LRRC7: variants seen among roughly 807,000 people sequenced by gnomAD.
The protein encoded by LRRC7 is leucine rich repeat containing 7, also known as leucine-rich repeat-containing protein 7.
A neutral mutation model predicts 175.7 loss-of-function variants in LRRC7; 23 were observed. The ratio of observed to expected loss-of-function variants is 0.13; its 90% CI spans 0.09 to 0.19. The LOEUF is 0.19. Among genes scored for constraint, LRRC7 ranks in the 10% least tolerant of loss-of-function variants. The pLI is 1.00. For synonymous variants in LRRC7, 685 were observed against 680.9 expected, an observed-to-expected ratio of 1.01 and a Z score of -0.09; for missense variants, 1,354 against 1,904.7, an observed-to-expected ratio of 0.71 and a Z score of 5.38.
intron 7 of LRRC7, among the ~76,000 whole-genome samples, chr1:69,882,183 G>A (rs1686686696): frequency 6.6e-6 from 1 of 152,078 alleles, no homozygotes; most frequent in Non-Finnish European, 1.5e-5. Flanking sequence ...AGTTATCACA[G>A]TATACCAGTT....
At chr1:69,894,138 T>C (rs1391067019) in intron 7 of LRRC7, among the ~76,000 whole-genome samples, 4 of 152,260 alleles carry the variant, frequency 2.6e-5, no homozygotes, top group African/African-American at 4.8e-5. Context: ...CAGAATCTAA[T>C]AGGTAATATA....
chr1:69,688,954 T>C (rs1661518703), intron 2 of LRRC7, among the ~76,000 whole-genome samples: 1 of 152,136 alleles, frequency 6.6e-6, no homozygotes, highest in South Asian at 2.1e-4. Context: ...TCCCAAAATA[T>C]TTTATGGTTG....
intron 1 of LRRC7, among the ~76,000 whole-genome samples, chr1:69,584,611 C>G (rs1440216355): frequency 2.0e-5 from 3 of 152,110 alleles, no homozygotes; most frequent in African/African-American, 7.2e-5. Flanking sequence ...AGCAATCTAA[C>G]ACACTATTAC....
chr1:69,583,255 AT>A lies in LRRC7; in HGVS notation c.2+14616del, dbSNP rs1646270902. ...AGATCTACTGTATCTAAAACTTTGG[AT>A]TATAACTATTATTTATTAAATTAAC... On this transcript the variant is annotated intron_variant, in intron 1 of 26. Transcript: ENST00000651989. 5.3e-5 allele frequency among the ~76,000 whole-genome samples: 8 copies of A among 152,064 alleles called. No individual in the cohort carries two copies. The South Asian group carries it at 1.7e-3, about 32-fold the overall frequency.
In LRRC7 at chr1:69,914,938, G is replaced by C. The variant is rs1646642555; in HGVS notation, c.648-16569G>C. ...CTCCTGGCATAGAATATAGTGAACTGTAGAGCACATATTTTTCATAAAAAC... is the reference window on the plus strand; with the variant it reads ...CTCCTGGCATAGAATATAGTGAACTCTAGAGCACATATTTTTCATAAAAAC... On this transcript the variant is annotated intron_variant, in intron 7 of 26. Transcript: ENST00000651989. Among the ~76,000 whole-genome samples the C allele has an allele frequency of 3.3e-5, 5 of 152,158 alleles. No individual in the cohort carries two copies. In the South Asian group the frequency reaches 1.0e-3, roughly 32 times the overall value.
intron 17 of LRRC7, among the ~76,000 whole-genome samples, chr1:70,025,831 A>G (rs1460441252): frequency 4.0e-5 from 5 of 124,080 alleles, no homozygotes; most frequent in African/African-American, 5.5e-5. Context: ...CCTCAATTTA[A>G]GGGGGGGGGG....
chr1:69,811,868 ATGTAACAAACC>A (rs71583103), intron 4 of LRRC7, among the ~76,000 whole-genome samples: 11,529 of 152,220 alleles, frequency 0.076, 545 homozygotes, highest in Non-Finnish European at 0.12. Context: ...GTGTATACCT[ATGTAACAAACC>A]TGCACATTCT....
At chr1:70,096,971 G>C (rs1664450853) in intron 25 of LRRC7, among the ~76,000 whole-genome samples, 1 of 152,176 alleles carries the variant, frequency 6.6e-6, no homozygotes, top group Non-Finnish European at 1.5e-5. Flanking sequence ...CTTTTACTCT[G>C]TGTGGCATAA....
intron 26 of LRRC7, among the ~76,000 whole-genome samples, chr1:70,113,475 C>G (rs1425891772): frequency 1.3e-5 from 2 of 152,092 alleles, no homozygotes; most frequent in Non-Finnish European, 2.9e-5. Context: ...GCCTTTGGCT[C>G]CAGACTCATT....
intron 2 of LRRC7, among the ~76,000 whole-genome samples, chr1:69,684,494 AG>A (rs1660881775): frequency 6.6e-6 from 1 of 152,182 alleles, no homozygotes; most frequent in Non-Finnish European, 1.5e-5. Flanking sequence ...ATTCTGGAAC[AG>A]ATGGCATAGA....
chr1:69,722,176 T>G (rs1024171033), intron 2 of LRRC7, among the ~76,000 whole-genome samples: 1 of 151,964 alleles, frequency 6.6e-6, no homozygotes, highest in East Asian at 1.9e-4. Flanking sequence ...CCATAGAAAT[T>G]GTAGCACGTT....
At chr1:69,796,945 C>T (rs1027119600) in intron 4 of LRRC7, among the ~76,000 whole-genome samples, 2 of 152,036 alleles carry the variant, frequency 1.3e-5, no homozygotes, top group Non-Finnish European at 2.9e-5. Context: ...TTGTTTTGAA[C>T]TTATTTCACT....
At chr1:69,829,437 C>T (rs61784020) in intron 5 of LRRC7, among the ~76,000 whole-genome samples, 14,250 of 151,732 alleles carry the variant, frequency 0.094, 1,540 homozygotes, top group African/African-American at 0.27. Flanking sequence ...ATATCCATCA[C>T]TTTAAATATT....
intron 2 of LRRC7, among the ~76,000 whole-genome samples, chr1:69,742,402 A>G (rs1277111673): frequency 6.6e-6 from 1 of 151,996 alleles, no homozygotes. Flanking sequence ...TTTGCAAACC[A>G]ATAATTTTAG....
At chr1:69,939,043 A>ATATATATATC (rs1557911228) in intron 8 of LRRC7, among the ~76,000 whole-genome samples, 3 of 64,886 alleles carry the variant, frequency 4.6e-5, no homozygotes, top group African/African-American at 1.2e-4. Flanking sequence ...ATATATATCT[A>ATATATATATC]TATCTATCTC....
chr1:69,624,620 C>G (rs553323927), intron 1 of LRRC7, among the ~76,000 whole-genome samples: 18 of 151,654 alleles, frequency 1.2e-4, no homozygotes, highest in African/African-American at 4.4e-4. Flanking sequence ...CATTAAATTC[C>G]AAAAGTTCTT....
At chr1:69,906,418 T>C (rs1167689339) in intron 7 of LRRC7, among the ~76,000 whole-genome samples, 1 of 152,182 alleles carries the variant, frequency 6.6e-6, no homozygotes, top group Non-Finnish European at 1.5e-5. Flanking sequence ...CTTCAATCCA[T>C]CTTGAATTAA....
chr1:69,897,978 A>G (rs1646027458), intron 7 of LRRC7, among the ~76,000 whole-genome samples: 2 of 152,350 alleles, frequency 1.3e-5, no homozygotes, highest in South Asian at 2.1e-4. Context: ...TATAGCGGGC[A>G]CAATGGAAGA....
chr1:69,820,830 A>G (rs1041038776), intron 4 of LRRC7, among the ~76,000 whole-genome samples: 7 of 152,194 alleles, frequency 4.6e-5, no homozygotes, highest in African/African-American at 1.7e-4. Flanking sequence ...ATAGATGTGC[A>G]TGTGTCTTTA....
Sources: gnomAD v4.1 joint callset for allele counts (sites outside exome capture counted in the v4.1 genomes callset) on GRCh38, gnomAD v4.1.1 for gene constraint, MANE v1.5 for transcripts, NCBI Gene and HGNC (gene_info 2026-07-23, HGNC 2026-07-21) for gene names.